SAE1: variants seen among roughly 807,000 people sequenced by gnomAD.
SAE1 encodes SUMO1 activating enzyme subunit 1.
In SAE1, 11 loss-of-function variants were observed where a neutral mutation model predicts 40.6. That is an observed-to-expected ratio of 0.27 (90% CI 0.17 to 0.45). SAE1 has a LOEUF of 0.45. Among genes scored for constraint, SAE1 ranks in the 20% least tolerant of loss-of-function variants. SAE1 has a pLI of 1.00. For synonymous variants in SAE1, 155 were observed against 154.3 expected (o/e 1.00, Z -0.03); for missense variants, 373 against 427.3 (o/e 0.87, Z 1.12).
intron 1 of SAE1, among the ~76,000 whole-genome samples, chr19:47,132,804 C>T (rs962552568): frequency 4.6e-5 from 7 of 151,780 alleles, no homozygotes; most frequent in Non-Finnish European, 8.8e-5. Context: ...GGGAGCATCA[C>T]CTGAGCCCCT....
intron 1 of SAE1, among the ~76,000 whole-genome samples, chr19:47,139,976 C>T (rs1156620406): frequency 1.5e-5 from 2 of 134,580 alleles, no homozygotes; most frequent in Non-Finnish European, 3.1e-5. Context: ...CTCGCTCTTT[C>T]GTCCAGGCTG....
intron 6 of SAE1, among the ~76,000 whole-genome samples, chr19:47,179,192 C>CAA (rs1227213780): frequency 3.7e-4 from 27 of 72,288 alleles, no homozygotes; most frequent in South Asian, 2.0e-3. Flanking sequence ...GCTCTGTCTC[C>CAA]AAAAAAAAAA....
intron 6 of SAE1, among the ~76,000 whole-genome samples, chr19:47,192,156 C>T (rs1488643706): frequency 6.6e-6 from 1 of 152,014 alleles, no homozygotes; most frequent in African/African-American, 2.4e-5. Context: ...CTATACTAAA[C>T]ATTTCACATG....
In SAE1 at chr19:47,143,509, G is replaced by C. The variant is rs570533637; in HGVS notation, c.114G>C (p.Arg38=). 6.2e-7 allele frequency: 1 copy of C among 1,613,992 alleles called. No individual in the cohort carries two copies. The highest frequency in any genetic ancestry group is 1.3e-5 in the African/African-American group (1 of 75,006). Residue 38 remains arginine (R), a synonymous_variant, in exon 2 of 9, where the codon CGG becomes CGC. Transcript: ENST00000270225. ...LEAQKRLRAS[R]VLLVGLKGLG... is the part of the protein sequence containing the mutation. ...TGTCTTACAGGCTGCGGGCCTCTCG[G>C]GTGCTTCTTGTCGGCTTGAAAGGAC...
chr19:47,148,096 A>G (rs992118030), intron 2 of SAE1, among the ~76,000 whole-genome samples: 5 of 152,062 alleles, frequency 3.3e-5, no homozygotes, highest in African/African-American at 4.8e-5. Flanking sequence ...CTCGTTTTAT[A>G]TGGGATTCCC....
At chr19:47,134,512 C>G (rs148790625) in intron 1 of SAE1, among the ~76,000 whole-genome samples, 10 of 152,006 alleles carry the variant, frequency 6.6e-5, no homozygotes, top group African/African-American at 2.4e-4. Flanking sequence ...CATAGGTGGA[C>G]TGCATTGATT....
At chr19:47,199,953 CAG>C (rs1260093109) in intron 7 of SAE1, among the ~76,000 whole-genome samples, 1 of 149,888 alleles carries the variant, frequency 6.7e-6, no homozygotes, top group Non-Finnish European at 1.5e-5. Context: ...TTTTTGGAGA[CAG>C]AGTCTCGCTC....
At position 47,209,941 on chromosome 19, in the gene SAE1, C is replaced by G. The variant is rs2058705177; in HGVS notation, c.*690C>G. 1 of 152,214 alleles carries G rather than the reference C, an allele frequency of 6.6e-6. No homozygotes were observed. The highest frequency in any genetic ancestry group is 1.5e-5 in the Non-Finnish European group (1 of 68,088). 9.4% of individuals were successfully genotyped at this position (152,214 alleles called of 1,614,324 possible). Reference sequence around the variant, plus strand: ...AAGTCTTGGATGTTAGGGCGAGACCCTGCAAGTTGAGTATTAGAGAGCTTG... The same window carrying G: ...AAGTCTTGGATGTTAGGGCGAGACCGTGCAAGTTGAGTATTAGAGAGCTTG... On this transcript the variant is annotated 3_prime_UTR_variant, in exon 9 of 9. Transcript: ENST00000270225.
At chr19:47,159,154 GCTC>G (rs1445686150) in intron 5 of SAE1, among the ~76,000 whole-genome samples, 1 of 152,114 alleles carries the variant, frequency 6.6e-6, no homozygotes, top group Non-Finnish European at 1.5e-5. Context: ...TTTTACCTCT[GCTC>G]CTGAAATAGG....
intron 2 of SAE1, among the ~76,000 whole-genome samples, chr19:47,144,906 A>G (rs1373143361): frequency 1.3e-5 from 2 of 152,172 alleles, no homozygotes; most frequent in African/African-American, 2.4e-5. Context: ...ATCTCCGCAC[A>G]CTGCAACCTC....
chr19:47,138,301 CCTT>C (rs1193539223), intron 1 of SAE1, among the ~76,000 whole-genome samples: 8 of 152,320 alleles, frequency 5.3e-5, no homozygotes, highest in African/African-American at 1.9e-4. Context: ...GCCTCAGCCT[CCTT>C]AAGTGCTGGG....
At chr19:47,174,374 T>C (rs1370866452) in intron 6 of SAE1, among the ~76,000 whole-genome samples, 1 of 151,286 alleles carries the variant, frequency 6.6e-6, no homozygotes, top group Non-Finnish European at 1.5e-5. Context: ...TATAGGTCAG[T>C]AATAATCATA....
rs576589507 is a variant in SAE1, at chr19:47,150,696, A to G, written c.384+321A>G. Among the ~76,000 whole-genome samples the G allele has an allele frequency of 2.0e-5, 3 of 152,248 alleles. No homozygotes were observed. In the South Asian group the frequency reaches 6.2e-4, roughly 32 times the overall value. On this transcript the variant is annotated intron_variant, in intron 3 of 8. Transcript: ENST00000270225. The stretch of plus-strand genomic sequence containing the variant: ...TCCAGAATCTTTGCACATAACTTTA[A>G]TCCATGTTATTGCAAATGTTTTCTT...
chr19:47,135,805 T>A lies in SAE1; in HGVS notation c.98+4777T>A, dbSNP rs1321761033. Among the ~76,000 whole-genome samples the A allele has an allele frequency of 3.3e-5, 5 of 152,214 alleles. No homozygotes were observed. In the East Asian group the frequency reaches 9.6e-4, roughly 29 times the overall value. ...GCCTTTGTACCACAATTTCTATTTT[T>A]TTTTTTGAAACGGAGTCTCGCCGTG... On this transcript the variant is annotated intron_variant, in intron 1 of 8. Coordinates refer to ENST00000270225, the MANE Select transcript of SAE1 (RefSeq NM_005500.3).
chr19:47,175,377 A>G (rs1312739151), intron 6 of SAE1, among the ~76,000 whole-genome samples: 1 of 152,168 alleles, frequency 6.6e-6, no homozygotes, highest in East Asian at 1.9e-4. Flanking sequence ...CCGTGGTTTT[A>G]TAGACAGTCA....
chr19:47,135,081 G>A (rs552098721), intron 1 of SAE1, among the ~76,000 whole-genome samples: 2 of 152,214 alleles, frequency 1.3e-5, no homozygotes, highest in African/African-American at 4.8e-5. Context: ...TTGGGGGTAT[G>A]TGAGATACTT....
chr19:47,146,408 T>C (rs1400282641), intron 2 of SAE1, among the ~76,000 whole-genome samples: 2 of 152,088 alleles, frequency 1.3e-5, no homozygotes, highest in African/African-American at 2.4e-5. Context: ...TTTAGTAGTT[T>C]AGGTGAGAGG....
intron 1 of SAE1, among the ~76,000 whole-genome samples, chr19:47,138,543 T>A (rs1357366758): frequency 1.3e-5 from 2 of 152,254 alleles, no homozygotes; most frequent in Non-Finnish European, 2.9e-5. Context: ...ATTCTGCTGA[T>A]GGACACAGGT....
chr19:47,197,415 A>G (rs781037567), intron 7 of SAE1, 38 bp downstream of exon 7: 11 of 1,559,012 alleles, frequency 7.1e-6, no homozygotes, highest in Non-Finnish European at 9.5e-6. Context: ...GTCTGGACAG[A>G]TAAAGTTTGT....
Sources: allele counts gnomAD v4.1 joint callset (sites outside exome capture counted in the v4.1 genomes callset), GRCh38; gene constraint gnomAD v4.1.1; transcripts MANE v1.5; gene names NCBI Gene and HGNC (gene_info 2026-07-23, HGNC 2026-07-21).